TMEM132D: variants seen among roughly 807,000 people sequenced by gnomAD.
TMEM132D encodes the protein transmembrane protein 132D, also known as mature OL transmembrane protein.
In TMEM132D, 21 loss-of-function variants were observed where a neutral mutation model predicts 62.3. The ratio of observed to expected loss-of-function variants is 0.34; its 90% CI spans 0.24 to 0.49. The LOEUF is 0.49. TMEM132D is among the 20% of genes least tolerant of loss of function. TMEM132D has a pLI of 0.99. For synonymous variants in TMEM132D, 621 were observed against 575.6 expected (o/e 1.08, Z -1.13); for missense variants, 1,346 against 1,402.8 (o/e 0.96, Z 0.65).
chr12:129,130,383 G>C (rs898854181), intron 5 of TMEM132D, among the ~76,000 whole-genome samples: 1 of 152,044 alleles, frequency 6.6e-6, no homozygotes, highest in African/African-American at 2.4e-5. Flanking sequence ...CCTGGTGACT[G>C]CATGGCCTCG....
intron 3 of TMEM132D, among the ~76,000 whole-genome samples, chr12:129,435,874 G>T (rs1000264253): frequency 6.6e-6 from 1 of 152,174 alleles, no homozygotes; most frequent in African/African-American, 2.4e-5. Context: ...TCTACTAGGA[G>T]AATTCTGATT....
At chr12:129,443,840 T>C (rs1189499604) in intron 3 of TMEM132D, among the ~76,000 whole-genome samples, 3 of 152,190 alleles carry the variant, frequency 2.0e-5, no homozygotes, top group Non-Finnish European at 4.4e-5. Context: ...TCGATAATGA[T>C]TGTTTTTTGG....
At chr12:129,539,554 G>C (rs984148957) in intron 2 of TMEM132D, among the ~76,000 whole-genome samples, 1 of 145,654 alleles carries the variant, frequency 6.9e-6, no homozygotes, top group South Asian at 2.2e-4. Flanking sequence ...ACAGGAGCCC[G>C]CCACTGGCTA....
At chr12:129,689,818 G>T (rs543985159) in intron 2 of TMEM132D, among the ~76,000 whole-genome samples, 60 of 152,284 alleles carry the variant, frequency 3.9e-4, no homozygotes, top group Non-Finnish European at 7.9e-4. Context: ...TTTCAGCTCT[G>T]ATGTGTACAT....
intron 2 of TMEM132D, among the ~76,000 whole-genome samples, chr12:129,539,658 T>G (rs1466471247): frequency 6.6e-6 from 1 of 151,952 alleles, no homozygotes; most frequent in Non-Finnish European, 1.5e-5. Flanking sequence ...GTGATCTGCC[T>G]GCTTCAGCCT....
intron 3 of TMEM132D, among the ~76,000 whole-genome samples, chr12:129,508,515 C>T (rs769902676): frequency 1.0e-3 from 155 of 152,114 alleles, no homozygotes; most frequent in Middle Eastern, 3.2e-3. Flanking sequence ...GCAAACAGAA[C>T]GTATCGCAGA....
chr12:129,642,294 C>CA (rs1220196821), intron 2 of TMEM132D, among the ~76,000 whole-genome samples: 2 of 152,252 alleles, frequency 1.3e-5, no homozygotes, highest in Non-Finnish European at 1.5e-5. Flanking sequence ...CATCAGATAT[C>CA]AAGGCCAAGG....
chr12:129,354,720 T>C (rs910822565), intron 3 of TMEM132D, among the ~76,000 whole-genome samples: 4 of 152,214 alleles, frequency 2.6e-5, no homozygotes, highest in African/African-American at 9.7e-5. Context: ...TAAGGTGACA[T>C]TATTACTCCC....
At chr12:129,271,766 T>C (rs1179360224) in intron 4 of TMEM132D, among the ~76,000 whole-genome samples, 20 of 151,932 alleles carry the variant, frequency 1.3e-4, no homozygotes, top group Admixed American at 1.2e-3. Flanking sequence ...CTGCATAGTA[T>C]TCCATGGTAT....
At chr12:129,586,430 A>G (rs1431892728) in intron 2 of TMEM132D, among the ~76,000 whole-genome samples, 1 of 152,184 alleles carries the variant, frequency 6.6e-6, no homozygotes, top group African/African-American at 2.4e-5. Context: ...GGCTGCTAAC[A>G]CAATGTATCC....
At chr12:129,894,264 C>T (rs1267808634) in intron 1 of TMEM132D, among the ~76,000 whole-genome samples, 2 of 152,208 alleles carry the variant, frequency 1.3e-5, no homozygotes, top group African/African-American at 4.8e-5. Context: ...CCATTAGATC[C>T]TGTGAGACTT....
At chr12:129,685,594 T>C (rs980737678) in intron 2 of TMEM132D, among the ~76,000 whole-genome samples, 15 of 152,138 alleles carry the variant, frequency 9.9e-5, no homozygotes, top group African/African-American at 3.6e-4. Flanking sequence ...CAGAAGGAAA[T>C]GTGGTGTTGA....
At chr12:129,406,438 G>A (rs1404672779) in intron 3 of TMEM132D, among the ~76,000 whole-genome samples, 1 of 152,066 alleles carries the variant, frequency 6.6e-6, no homozygotes, top group Non-Finnish European at 1.5e-5. Context: ...GACTAACATG[G>A]TGAAACCCCG....
intron 3 of TMEM132D, among the ~76,000 whole-genome samples, chr12:129,498,053 G>GA (rs557563505): frequency 2.8e-3 from 422 of 151,308 alleles, no homozygotes; most frequent in Non-Finnish European, 5.0e-3. Context: ...AAATTAAACA[G>GA]AAAAAAAAAT....
chr12:129,554,132 T>A (rs1876982245), intron 2 of TMEM132D, among the ~76,000 whole-genome samples: 1 of 152,162 alleles, frequency 6.6e-6, no homozygotes, highest in Non-Finnish European at 1.5e-5. Context: ...ACAGTTTCTA[T>A]TCCTTAAAAC....
chr12:129,697,990 G>A (rs557677721), intron 2 of TMEM132D, among the ~76,000 whole-genome samples: 5 of 152,198 alleles, frequency 3.3e-5, no homozygotes, highest in East Asian at 1.9e-4. Flanking sequence ...TTAATCCTGC[G>A]TTCAGAAAAT....
chr12:129,785,667 C>T (rs1176354368), intron 1 of TMEM132D, among the ~76,000 whole-genome samples: 1 of 152,192 alleles, frequency 6.6e-6, no homozygotes. Context: ...CAGCCAGGAA[C>T]CAACCCTTCT....
chr12:129,542,217 G>A (rs2137098508), intron 2 of TMEM132D, among the ~76,000 whole-genome samples: 1 of 152,330 alleles, frequency 6.6e-6, no homozygotes, highest in East Asian at 1.9e-4. Context: ...GGGCTGAGAT[G>A]TGCCTAGTTT....
intron 1 of TMEM132D, among the ~76,000 whole-genome samples, chr12:129,846,452 C>T (rs1312121081): frequency 2.0e-5 from 3 of 152,160 alleles, no homozygotes; most frequent in East Asian, 3.8e-4. Flanking sequence ...ATCTTAAACA[C>T]ATCACTCCAT....
Sources: gnomAD v4.1 joint callset for allele counts (sites outside exome capture counted in the v4.1 genomes callset) on GRCh38, gnomAD v4.1.1 for gene constraint, MANE v1.5 for transcripts, NCBI Gene and HGNC (gene_info 2026-07-23, HGNC 2026-07-21) for gene names.